Variants in SPIRE1 observed in about 807,000 individuals in gnomAD.
SPIRE1 encodes protein spire homolog 1.
A neutral mutation model predicts 94.1 loss-of-function variants in SPIRE1; 40 were observed. The observed-to-expected ratio is 0.43, with a 90% confidence interval of 0.33 to 0.55. The LOEUF is 0.55. Among genes scored for constraint, SPIRE1 ranks in the 20% least tolerant of loss-of-function variants. The pLI is 0.06. For synonymous variants in SPIRE1, 376 were observed against 371.7 expected (o/e 1.01, Z -0.13); for missense variants, 838 against 975.2 (o/e 0.86, Z 1.87).
chr18:12,636,965 G>A (rs1483342007), intron 1 of SPIRE1, among the ~76,000 whole-genome samples: 3 of 152,106 alleles, frequency 2.0e-5, no homozygotes, highest in Non-Finnish European at 4.4e-5. Context: ...ACTGCCTTTC[G>A]GCAAACAGTT....
At chr18:12,468,895 CA>C (rs1436782866) in intron 10 of SPIRE1, among the ~76,000 whole-genome samples, 2 of 151,964 alleles carry the variant, frequency 1.3e-5, no homozygotes, top group Non-Finnish European at 2.9e-5. Context: ...TTTGTCTCTA[CA>C]AAAAATAATA....
chr18:12,580,315 T>TTC (rs936037654), intron 2 of SPIRE1, among the ~76,000 whole-genome samples: 13 of 151,898 alleles, frequency 8.6e-5, no homozygotes, highest in Admixed American at 6.6e-4. Flanking sequence ...TAATAATGTG[T>TTC]TCTCTCTCTC....
chr18:12,597,246 AGCTT>A (rs2036703417), intron 2 of SPIRE1, among the ~76,000 whole-genome samples: 1 of 151,606 alleles, frequency 6.6e-6, no homozygotes, highest in Non-Finnish European at 1.5e-5. Flanking sequence ...ATCCATTAAT[AGCTT>A]ATTTATAACC....
chr18:12,657,699 C>G lies in SPIRE1; in HGVS notation c.168G>C (p.Glu56Asp), dbSNP rs980922723. 4.8e-5 allele frequency: 68 copies of G among 1,406,930 alleles called. No homozygotes were observed. The highest frequency in any genetic ancestry group is 6.2e-5 in the Non-Finnish European group (67 of 1,073,486). The allele number at this position is 1,406,930 out of a possible 1,614,324, so 87.2% of individuals were successfully genotyped here. Residue 56 changes from glutamate to aspartate, a missense_variant, in exon 1 of 17, where the codon GAG (glutamate) becomes GAC (aspartate). Coordinates refer to ENST00000409402, the MANE Select transcript of SPIRE1 (RefSeq NM_001128626.2). ...LRLYNQPINE[E>D]QAWAVCYQCC... ...ACTGGTAGCACACGGCCCACGCCTG[C>G]TCCTCGTTGATGGGCTGGTTGTACA...
chr18:12,526,892 T>A (rs2144137187), intron 4 of SPIRE1, among the ~76,000 whole-genome samples: 1 of 152,164 alleles, frequency 6.6e-6, no homozygotes, highest in Admixed American at 6.5e-5. Flanking sequence ...GTATTTTTAG[T>A]AGAGATGGGG....
At chr18:12,637,401 T>G (rs1308143443) in intron 1 of SPIRE1, among the ~76,000 whole-genome samples, 1 of 150,478 alleles carries the variant, frequency 6.6e-6, no homozygotes, top group African/African-American at 2.4e-5. Context: ...ACATCTTCAG[T>G]AGGATATATT....
intron 1 of SPIRE1, 115 bp from the exon 2 acceptor site, chr18:12,635,211 G>T: frequency 1.7e-6 from 1 of 572,368 alleles, no homozygotes; most frequent in Non-Finnish European, 3.1e-6. Context: ...GAATATCTAT[G>T]CAAATGAAAG....
rs566959261 is a variant in SPIRE1 at position 12,577,529 on chromosome 18, T to A, written c.373-30625A>T. ...AAAATTCTAGAAAAAAAGGAGAAAATCTGCATGACACTAGTAGTGTTTGCA... is the reference window on the plus strand; with the variant it reads ...AAAATTCTAGAAAAAAAGGAGAAAAACTGCATGACACTAGTAGTGTTTGCA... On this transcript the variant is annotated intron_variant, in intron 2 of 16. Coordinates refer to ENST00000409402, the MANE Select transcript of SPIRE1 (RefSeq NM_001128626.2). Among the ~76,000 whole-genome samples the A allele has an allele frequency of 2.6e-5, 4 of 152,156 alleles. No homozygotes were observed. In the South Asian group the frequency reaches 8.3e-4, roughly 32 times the overall value.
chr18:12,544,691 T>A (rs986537536), intron 3 of SPIRE1, among the ~76,000 whole-genome samples: 2 of 152,146 alleles, frequency 1.3e-5, no homozygotes, highest in African/African-American at 4.8e-5. Flanking sequence ...ATTTTTCATA[T>A]AATGATAGCA....
intron 3 of SPIRE1, among the ~76,000 whole-genome samples, chr18:12,541,280 T>A (rs1017849255): frequency 3.3e-5 from 5 of 152,212 alleles, no homozygotes; most frequent in Non-Finnish European, 5.9e-5. Flanking sequence ...AATTTTTAAT[T>A]GTTCCATGTA....
At chr18:12,612,679 G>C (rs927576107) in intron 2 of SPIRE1, among the ~76,000 whole-genome samples, 2 of 152,136 alleles carry the variant, frequency 1.3e-5, no homozygotes, top group Non-Finnish European at 2.9e-5. Flanking sequence ...CACTTCTTTT[G>C]TGATCTGCTA....
chr18:12,598,087 G>A (rs1278915602), intron 2 of SPIRE1, among the ~76,000 whole-genome samples: 1 of 152,106 alleles, frequency 6.6e-6, no homozygotes, highest in African/African-American at 2.4e-5. Flanking sequence ...TCAAAATTTC[G>A]AGATATATGA....
intron 13 of SPIRE1, among the ~76,000 whole-genome samples, chr18:12,453,729 C>T (rs1162677017): frequency 4.0e-5 from 6 of 151,830 alleles, no homozygotes; most frequent in East Asian, 3.9e-4. Flanking sequence ...CCACTGCACC[C>T]GGCCTTCTCA....
chr18:12,652,784 T>C (rs891840635), intron 1 of SPIRE1, among the ~76,000 whole-genome samples: 2 of 152,234 alleles, frequency 1.3e-5, no homozygotes, highest in Non-Finnish European at 2.9e-5. Flanking sequence ...TCAAACTGAA[T>C]CTAACCATTC....
At chr18:12,613,254 G>T (rs1258700830) in intron 2 of SPIRE1, among the ~76,000 whole-genome samples, 1 of 152,128 alleles carries the variant, frequency 6.6e-6, no homozygotes, top group Non-Finnish European at 1.5e-5. Context: ...CATTAGCAGG[G>T]TTATTCTCAT....
chr18:12,464,477 A>C (rs1309564446), intron 11 of SPIRE1, among the ~76,000 whole-genome samples: 1 of 151,982 alleles, frequency 6.6e-6, no homozygotes, highest in Non-Finnish European at 1.5e-5. Flanking sequence ...AGGTGTTTTC[A>C]CTATCTACAC....
Position 12,506,638 on chromosome 18 carries a change from G to A in SPIRE1, c.811C>T (p.Arg271Ter), listed in dbSNP as rs1289032823. 2 of 1,613,716 alleles carry A rather than the reference G, an allele frequency of 1.2e-6. No homozygotes were observed. Among genetic ancestry groups the A allele is most frequent in the Non-Finnish European group, 8.5e-7 (1 of 1,179,908 alleles). ...LEELKNADWA[R>*]FWVQVMRDLR... Reference sequence around the variant, plus strand: ...TCCCTCATCACCTGTACCCAGAATCGTGCCTGAAAGAACCAAGGATAGAGA... The same window carrying A: ...TCCCTCATCACCTGTACCCAGAATCATGCCTGAAAGAACCAAGGATAGAGA... The change falls in exon 6 of 17, where the codon CGA becomes TGA. Residue 271 changes from arginine to a stop codon, truncating the protein, a stop_gained. Transcript: ENST00000409402. LOFTEE classifies it high-confidence loss of function.
intron 4 of SPIRE1, among the ~76,000 whole-genome samples, chr18:12,535,203 A>C (rs1006660446): frequency 1.0e-3 from 154 of 152,228 alleles, no homozygotes; most frequent in African/African-American, 3.4e-3. Flanking sequence ...AATGGACTGA[A>C]CTAGTTCAGT....
chr18:12,557,183 G>A (rs768777471), intron 2 of SPIRE1, among the ~76,000 whole-genome samples: 21 of 152,204 alleles, frequency 1.4e-4, no homozygotes, highest in African/African-American at 2.7e-4. Flanking sequence ...GGGACCGGTC[G>A]CCGCGGAGCA....
Sources: allele counts gnomAD v4.1 joint callset (sites outside exome capture counted in the v4.1 genomes callset), GRCh38; gene constraint gnomAD v4.1.1; transcripts MANE v1.5; gene names NCBI Gene and HGNC (gene_info 2026-07-23, HGNC 2026-07-21).